XPR1: variants seen among roughly 807,000 people sequenced by gnomAD.
XPR1 encodes the protein xenotropic and polytropic retrovirus receptor 1.
A neutral mutation model predicts 87.5 loss-of-function variants in XPR1; 28 were observed. The observed-to-expected ratio is 0.32, with a 90% CI of 0.24 to 0.44. The LOEUF is 0.44. Among genes scored for constraint, XPR1 ranks in the 20% least tolerant of loss-of-function variants. The probability of loss-of-function intolerance (pLI) is 1.00; values close to 1 mark genes in which losing one functional copy is unlikely to be tolerated. For synonymous variants in XPR1, 300 were observed against 306.1 expected (o/e 0.98, Z 0.21); for missense variants, 559 against 862.3 (o/e 0.65, Z 4.41).
intron 11 of XPR1, among the ~76,000 whole-genome samples, chr1:180,854,094 G>C (rs6703189): frequency 1.3e-5 from 2 of 152,016 alleles, no homozygotes; most frequent in African/African-American, 4.8e-5. Flanking sequence ...TAGGGGTTTT[G>C]CTTTATCTAT....
At chr1:180,774,081 A>G (rs531426618) in intron 2 of XPR1, among the ~76,000 whole-genome samples, 1 of 152,054 alleles carries the variant, frequency 6.6e-6, no homozygotes, top group Non-Finnish European at 1.5e-5. Flanking sequence ...TCTTTTAGTC[A>G]TTGGAAGAGT....
rs149715854 is a variant in XPR1 at position 180,745,021 on chromosome 1, T to A, written c.122-42732T>A. Reference sequence around the variant, plus strand: ...AATATTAGTGTTGTTTTCAAAGCCTTTGATATGCTATTCATATATGTCCTA... The same window carrying A: ...AATATTAGTGTTGTTTTCAAAGCCTATGATATGCTATTCATATATGTCCTA... On this transcript the variant is annotated intron_variant, in intron 2 of 14. Transcript: ENST00000367590. Among the ~76,000 whole-genome samples the A allele has an allele frequency of 2.2e-4, 34 of 152,258 alleles. No individual in the cohort carries two copies. In the East Asian group the frequency reaches 6.0e-3, roughly 27 times the overall value.
At chr1:180,781,835 GC>G (rs1216961549) in intron 2 of XPR1, among the ~76,000 whole-genome samples, 2 of 151,890 alleles carry the variant, frequency 1.3e-5, no homozygotes, top group Non-Finnish European at 2.9e-5. Flanking sequence ...AGTCTCTGAT[GC>G]CCAGGCTGGA....
At chr1:180,855,876 C>T (rs1652011948) in intron 11 of XPR1, among the ~76,000 whole-genome samples, 2 of 152,076 alleles carry the variant, frequency 1.3e-5, no homozygotes, top group South Asian at 4.1e-4. Flanking sequence ...TGTATTTTCC[C>T]CAGTCTAAAG....
intron 1 of XPR1, among the ~76,000 whole-genome samples, chr1:180,637,883 A>G (rs1654838967): frequency 6.6e-6 from 1 of 152,174 alleles, no homozygotes; most frequent in Non-Finnish European, 1.5e-5. Flanking sequence ...AAGGTTTTAC[A>G]TCTACTGTCA....
chr1:180,665,702 C>A (rs547990734), intron 1 of XPR1, among the ~76,000 whole-genome samples: 18 of 152,164 alleles, frequency 1.2e-4, no homozygotes, highest in Non-Finnish European at 2.2e-4. Flanking sequence ...GAGATTCTCT[C>A]TCTGTGCCAC....
At chr1:180,672,070 T>C (rs1333295295) in intron 1 of XPR1, among the ~76,000 whole-genome samples, 1 of 152,124 alleles carries the variant, frequency 6.6e-6, no homozygotes, top group East Asian at 1.9e-4. Context: ...ATTCAGGAGA[T>C]ACCCACATGG....
intron 1 of XPR1, among the ~76,000 whole-genome samples, chr1:180,634,315 G>A (rs1242261982): frequency 6.6e-6 from 1 of 152,176 alleles, no homozygotes; most frequent in Non-Finnish European, 1.5e-5. Flanking sequence ...TATGGCTCCT[G>A]TCCTAGATAA....
At chr1:180,784,187 AAATTTACATTT>A (rs1431065352) in intron 2 of XPR1, among the ~76,000 whole-genome samples, 1 of 152,054 alleles carries the variant, frequency 6.6e-6, no homozygotes, top group African/African-American at 2.4e-5. Flanking sequence ...TGTCTTCCTA[AAATTTACATTT>A]CCATCAACAA....
At chr1:180,727,065 C>T (rs913076982) in intron 2 of XPR1, among the ~76,000 whole-genome samples, 1 of 151,712 alleles carries the variant, frequency 6.6e-6, no homozygotes, top group African/African-American at 2.4e-5. Flanking sequence ...TTAGTAGAGA[C>T]GGGGTTTCAC....
intron 2 of XPR1, among the ~76,000 whole-genome samples, chr1:180,706,007 G>A (rs1194366162): frequency 1.3e-5 from 2 of 152,140 alleles, no homozygotes; most frequent in Admixed American, 6.5e-5. Context: ...GCAACAAGAC[G>A]AAACCAAAAG....
chr1:180,692,446 C>G (rs1459776470), intron 2 of XPR1, among the ~76,000 whole-genome samples: 1 of 152,030 alleles, frequency 6.6e-6, no homozygotes, highest in African/African-American at 2.4e-5. Context: ...TCATTAACTC[C>G]CTTTAGGAAG....
intron 2 of XPR1, among the ~76,000 whole-genome samples, chr1:180,706,705 G>A (rs1158761020): frequency 6.6e-6 from 1 of 151,742 alleles, no homozygotes; most frequent in Non-Finnish European, 1.5e-5. Context: ...TCCGCCTTCC[G>A]AGTTCAAGCA....
intron 6 of XPR1, among the ~76,000 whole-genome samples, chr1:180,807,518 C>T (rs1308579778): frequency 6.6e-6 from 1 of 152,158 alleles, no homozygotes; most frequent in African/African-American, 2.4e-5. Context: ...AAGGCCTTTA[C>T]ATTGAAAACT....
chr1:180,883,872 G>A (rs911530438), intron 14 of XPR1, 134 bp from the exon 15 acceptor site: 23 of 676,148 alleles, frequency 3.4e-5, no homozygotes, highest in South Asian at 1.6e-4. Context: ...AGAATAATCC[G>A]TCTGGTACAG....
In XPR1 at chr1:180,863,868, C is replaced by A; in HGVS notation, c.1662C>A (p.Pro554=). 2 of 1,591,472 alleles carry A rather than the reference C, an allele frequency of 1.3e-6. No homozygotes were observed. The change falls in exon 12 of 15, where the codon CCC becomes CCA. Residue 554 remains proline, a synonymous_variant. Coordinates refer to ENST00000367590, the MANE Select transcript of XPR1 (RefSeq NM_004736.4). ...TCCTCCGGGAAGAGATTGTATACCC[C>A]CAAAAAGTATGTATAAAGAGTGTGT... is the stretch of plus-strand genomic sequence containing the variant. ...NTFLREEIVY[P]QKAYYYCAII... is the part of the protein sequence containing the mutation.
chr1:180,829,986 G>GTC (rs75095745), intron 9 of XPR1, among the ~76,000 whole-genome samples: 8,127 of 152,118 alleles, frequency 0.053, 310 homozygotes, highest in Non-Finnish European at 0.079. Context: ...AGTAATGATA[G>GTC]TCTGTCTCAT....
At chr1:180,794,873 A>G (rs1479301593) in intron 3 of XPR1, among the ~76,000 whole-genome samples, 2 of 152,230 alleles carry the variant, frequency 1.3e-5, no homozygotes, top group African/African-American at 4.8e-5. Flanking sequence ...GTTGCTGGTT[A>G]GAGAGAAAAG....
At position 180,714,687 on chromosome 1, in the gene XPR1, G is replaced by A. The variant is rs567332968; in HGVS notation, c.121+32276G>A. Among the ~76,000 whole-genome samples, 7 of 152,090 alleles carry A rather than the reference G, an allele frequency of 4.6e-5. No homozygotes were observed. In the South Asian group the frequency reaches 8.3e-4, roughly 18 times the overall value. ...TCCAAAGTGCTCAGATTACAGGTGC[G>A]AACCACCACACCTGACCCTGTTTTC... On this transcript the variant is annotated intron_variant, in intron 2 of 14. Transcript: ENST00000367590.
Sources: gnomAD v4.1 joint callset for allele counts (sites outside exome capture counted in the v4.1 genomes callset) on GRCh38, gnomAD v4.1.1 for gene constraint, MANE v1.5 for transcripts, NCBI Gene and HGNC (gene_info 2026-07-23, HGNC 2026-07-21) for gene names.